Variants in NPTXR observed in about 807,000 individuals in gnomAD.
The protein encoded by NPTXR is neuronal pentraxin receptor.
Under a neutral mutation model 32.2 loss-of-function variants are expected in NPTXR, and 12 were observed. The observed-to-expected ratio is 0.37, with a 90% CI of 0.24 to 0.60. NPTXR has a LOEUF of 0.60. NPTXR is among the 20% of genes least tolerant of loss of function. NPTXR has a pLI of 0.66. For synonymous variants in NPTXR, 323 were observed against 315.8 expected, an observed-to-expected ratio of 1.02 and a Z score of -0.24; for missense variants, 612 against 682.9, an observed-to-expected ratio of 0.90 and a Z score of 1.16.
intron 1 of NPTXR, among the ~76,000 whole-genome samples, chr22:38,842,914 A>T (rs1002224569): frequency 4.6e-5 from 7 of 152,206 alleles, no homozygotes; most frequent in Non-Finnish European, 8.8e-5. Flanking sequence ...ATTTTCACAC[A>T]CCTACATTTG....
chr22:38,839,309 T>C (rs532038844), intron 1 of NPTXR, among the ~76,000 whole-genome samples: 35 of 152,342 alleles, frequency 2.3e-4, no homozygotes, highest in East Asian at 1.3e-3. Context: ...AGCCGCATCA[T>C]TGGGCCAACT....
rs2093099046 is a variant in NPTXR, at chr22:38,822,376, G to C, written c.*233C>G. 3.6e-6 allele frequency: 2 copies of C among 561,716 alleles called. No homozygotes were observed. Among genetic ancestry groups the C allele is most frequent in the Non-Finnish European group, 6.4e-6 (2 of 310,862 alleles). The allele number at this position is 561,716 out of a possible 1,614,324, so 34.8% of individuals were successfully genotyped here. A position where few individuals can be genotyped will look rare whatever the true frequency, so the allele number is the denominator to read the frequency against. On this transcript the variant is annotated 3_prime_UTR_variant, in exon 5 of 5. Transcript: ENST00000333039. ...ACAACTCCAGTGCAGTGCCAGGTGG[G>C]CAGGCTCCCACTGTTCACTTGAGAC...
intron 1 of NPTXR, among the ~76,000 whole-genome samples, chr22:38,837,845 TTTTTA>T (rs10530407): frequency 7.1e-5 from 10 of 139,988 alleles, no homozygotes; most frequent in African/African-American, 2.1e-4. Flanking sequence ...TTATTTTTAT[TTTTTA>T]TTTTATTTTA....
intron 1 of NPTXR, among the ~76,000 whole-genome samples, chr22:38,830,991 G>C (rs9607577): frequency 2.0e-5 from 3 of 152,084 alleles, no homozygotes; most frequent in Non-Finnish European, 2.9e-5. Context: ...TGGGATGGGC[G>C]AGGAGCCTTA....
At chr22:38,837,404 T>C (rs2093125554) in intron 1 of NPTXR, among the ~76,000 whole-genome samples, 1 of 152,152 alleles carries the variant, frequency 6.6e-6, no homozygotes, top group African/African-American at 2.4e-5. Context: ...TCCCAAGCCC[T>C]CCTCACTGCC....
At chr22:38,842,571 C>T (rs1381923077) in intron 1 of NPTXR, among the ~76,000 whole-genome samples, 2 of 152,112 alleles carry the variant, frequency 1.3e-5, no homozygotes, top group African/African-American at 2.4e-5. Context: ...AGGAGGAGCT[C>T]GGGGGGCCCT....
intron 1 of NPTXR, among the ~76,000 whole-genome samples, chr22:38,841,749 T>G (rs1451424374): frequency 6.6e-6 from 1 of 152,252 alleles, no homozygotes; most frequent in Non-Finnish European, 1.5e-5. Context: ...TTAATCCTCC[T>G]AATATCCCAG....
intron 3 of NPTXR, among the ~76,000 whole-genome samples, chr22:38,825,919 T>C: frequency 6.6e-6 from 1 of 150,416 alleles, no homozygotes; most frequent in East Asian, 2.0e-4. Context: ...CTTAGCTCAC[T>C]GCAAGCTCTG....
chr22:38,837,256 A>G (rs2093125297), intron 1 of NPTXR, among the ~76,000 whole-genome samples: 1 of 152,186 alleles, frequency 6.6e-6, no homozygotes, highest in Admixed American at 6.5e-5. Context: ...TACCAGGAAC[A>G]TGTTCCACAC....
chr22:38,823,133 C>T lies in NPTXR; in HGVS notation c.1228G>A (p.Ala410Thr), dbSNP rs770110091. 6.2e-7 allele frequency: 1 copy of T among 1,614,042 alleles called. No individual in the cohort carries two copies. The highest frequency in any genetic ancestry group is 1.3e-5 in the African/African-American group (1 of 74,926). Residue 410 changes from alanine to threonine, a missense_variant, in exon 4 of 5, where the codon GCC becomes ACC. Transcript: ENST00000333039. ...CCATGAGGCTTGATGGGGTGCCAGG[C>T]AGCCAGGTTCTCACCGGAGCCCTGC...
Position 38,819,938 on chromosome 22 carries a change from C to G in NPTXR, c.*2671G>C, listed in dbSNP as rs948969380. The G allele has an allele frequency of 1.3e-5, 2 of 152,592 alleles. No individual in the cohort carries two copies. The highest frequency in any genetic ancestry group is 4.8e-5 in the African/African-American group (2 of 41,430). The allele number at this position is 152,592 out of a possible 1,614,324, so 9.5% of individuals were successfully genotyped here. ...GGAACAAGGCTTGGACGTCAGAGGTCTCATCTTCACTGTGACAAAGCATAA... is the reference window on the plus strand; with the variant it reads ...GGAACAAGGCTTGGACGTCAGAGGTGTCATCTTCACTGTGACAAAGCATAA... On this transcript the variant is annotated 3_prime_UTR_variant, in exon 5 of 5. Coordinates refer to ENST00000333039, the MANE Select transcript of NPTXR (RefSeq NM_014293.4).
intron 1 of NPTXR, among the ~76,000 whole-genome samples, chr22:38,833,397 A>G (rs2093119250): frequency 6.6e-6 from 1 of 152,174 alleles, no homozygotes; most frequent in Non-Finnish European, 1.5e-5. Context: ...AGTGTGGACC[A>G]CGGCCCCTCA....
At position 38,819,282 on chromosome 22, in the gene NPTXR, T is replaced by TTCTTTTTTA. The variant is rs2093092853; in HGVS notation, c.*3326_*3327insTAAAAAAGA. 6.6e-6 allele frequency: 1 copy of TTCTTTTTTA among 152,244 alleles called. No homozygotes were observed. Among genetic ancestry groups the TTCTTTTTTA allele is most frequent in the Non-Finnish European group, 1.5e-5 (1 of 68,066 alleles). 9.4% of individuals were successfully genotyped at this position (152,244 alleles called of 1,614,324 possible). On this transcript the variant is annotated 3_prime_UTR_variant, in exon 5 of 5. Transcript: ENST00000333039. ...TTCCTTTTCTTTTTTGGCTCTCCTGTGAACTCTAGCTGAGCTAAAGAAGGG... is the reference window on the plus strand; with the variant it reads ...TTCCTTTTCTTTTTTGGCTCTCCTGTTCTTTTTTAGAACTCTAGCTGAGCTAAAGAAGGG...
intron 1 of NPTXR, among the ~76,000 whole-genome samples, chr22:38,836,363 C>T (rs2093123931): frequency 6.6e-6 from 1 of 152,190 alleles, no homozygotes; most frequent in Non-Finnish European, 1.5e-5. Flanking sequence ...CAGATCCATC[C>T]ACAGAAGAAC....
rs1394697827 is a variant in NPTXR, at chr22:38,818,670, G to A, written c.*3939C>T. The A allele has an allele frequency of 6.6e-6, 1 of 152,222 alleles. No homozygotes were observed. The highest frequency in any genetic ancestry group is 6.5e-5 in the Admixed American group (1 of 15,282). 9.4% of individuals were successfully genotyped at this position (152,222 alleles called of 1,614,324 possible). On this transcript the variant is annotated 3_prime_UTR_variant, in exon 5 of 5. Transcript: ENST00000333039. The surrounding 1 kb of genome is among the most constrained non-coding windows in gnomAD (Gnocchi z 4.5). ...AGGGTGCACTAATGTCACAGTGTCA[G>A]ACAACTTGACATGCTCACTCACACT...
chr22:38,833,460 T>C (rs2093119394), intron 1 of NPTXR, among the ~76,000 whole-genome samples: 1 of 152,222 alleles, frequency 6.6e-6, no homozygotes, highest in Non-Finnish European at 1.5e-5. Flanking sequence ...GGCTCACACC[T>C]GGGCTTCACC....
At chr22:38,827,310 T>C in intron 2 of NPTXR, among the ~76,000 whole-genome samples, 3 of 149,666 alleles carry the variant, frequency 2.0e-5, no homozygotes, top group Non-Finnish European at 4.4e-5. Context: ...CCCAGCTCAC[T>C]GCGACCTTCA....
intron 1 of NPTXR, among the ~76,000 whole-genome samples, chr22:38,840,235 A>T (rs895000362): frequency 6.6e-6 from 1 of 152,060 alleles, no homozygotes. Context: ...GGGGATAGGA[A>T]GGGGACAGAG....
Position 38,831,542 on chromosome 22 carries a change from G to A in NPTXR, c.625-3030C>T, listed in dbSNP as rs190159383. Among the ~76,000 whole-genome samples the A allele has an allele frequency of 5.1e-4, 77 of 152,276 alleles. 1 individual carries two copies. In the East Asian group the frequency reaches 0.014, roughly 29 times the overall value. On this transcript the variant is annotated intron_variant, in intron 1 of 4. Coordinates refer to ENST00000333039, the MANE Select transcript of NPTXR (RefSeq NM_014293.4). ...GGGCTTGACTACATTAGCTGATGGG[G>A]CGCTCATTACCTCCAGAGCCTTCAG...
Sources: gnomAD v4.1 joint callset for allele counts (sites outside exome capture counted in the v4.1 genomes callset) on GRCh38, gnomAD v4.1.1 for gene constraint, Gnocchi (gnomAD v3.1) non-coding constraint, MANE v1.5 for transcripts, NCBI Gene and HGNC (gene_info 2026-07-23, HGNC 2026-07-21) for gene names.